TPX2: variants seen among roughly 807,000 people sequenced by gnomAD.
The protein encoded by TPX2 is targeting protein for Xklp2.
In TPX2, 21 loss-of-function variants were observed where a neutral mutation model predicts 93.6. The observed-to-expected ratio is 0.22, with a 90% CI of 0.16 to 0.32. The LOEUF (loss-of-function observed/expected upper bound fraction) is 0.32, where lower values mean the gene tolerates loss of function less well. TPX2 is among the 10% of genes least tolerant of loss of function. The pLI is 1.00. For missense variants in TPX2, 776 were observed against 871.1 expected (o/e 0.89, Z 1.37); for synonymous variants, 281 against 298.3 (o/e 0.94, Z 0.60).
At chr20:31,748,719 G>T (rs937842650) in intron 2 of TPX2, among the ~76,000 whole-genome samples, 6 of 152,150 alleles carry the variant, frequency 3.9e-5, no homozygotes, top group Non-Finnish European at 8.8e-5. Flanking sequence ...TATTAGTTTG[G>T]TGATCTTGGA....
At chr20:31,772,077 G>T (rs2061967657) in intron 7 of TPX2, among the ~76,000 whole-genome samples, 1 of 147,962 alleles carries the variant, frequency 6.8e-6, no homozygotes, top group Admixed American at 6.8e-5. Flanking sequence ...CTGGAGTGCA[G>T]TGGCATGATC....
At chr20:31,798,945 A>G (rs1177905296) in intron 17 of TPX2, among the ~76,000 whole-genome samples, 1 of 152,178 alleles carries the variant, frequency 6.6e-6, no homozygotes, top group Non-Finnish European at 1.5e-5. Flanking sequence ...CTTTCCTAGG[A>G]CTGTTTTTTA....
intron 7 of TPX2, among the ~76,000 whole-genome samples, chr20:31,772,540 A>G (rs2061970670): frequency 6.6e-6 from 1 of 152,224 alleles, no homozygotes; most frequent in Admixed American, 6.5e-5. Flanking sequence ...AAAGTTAGCA[A>G]CAGTTCTTAC....
rs867651744 is a variant in TPX2, at chr20:31,798,484, T to C, written c.2065T>C (p.Leu689=). ...AEVEAQKAQQ[L]EEARLQEEEQ... is the part of the protein sequence containing the mutation. ...GGTAGAAGCCCAGAAAGCCCAGCAG[T>C]TGGAGGAGGCCAGACTACAGGAGGA... is the stretch of plus-strand genomic sequence containing the variant. Residue 689 remains leucine, a synonymous_variant, in exon 17 of 18, where the codon TTG becomes CTG. Coordinates refer to ENST00000300403, the MANE Select transcript of TPX2 (RefSeq NM_012112.5). The C allele has an allele frequency of 4.3e-6, 7 of 1,613,400 alleles. No homozygotes were observed. Among genetic ancestry groups the C allele is most frequent in the Non-Finnish European group, 5.9e-6 (7 of 1,179,948 alleles).
Position 31,775,856 on chromosome 20 carries a change from T to C in TPX2, c.609-11T>C. 1 of 1,546,188 alleles carries C rather than the reference T, an allele frequency of 6.5e-7. No homozygotes were observed. Among genetic ancestry groups the C allele is most frequent in the African/African-American group, 1.4e-5 (1 of 72,516 alleles). ...CTCTCCTCTCTTCTCATTTACTGAT[T>C]TTCTCTTTAGGCAGAAGTTTCTAAA... On this transcript the variant is annotated splice_polypyrimidine_tract_variant and intron_variant, in intron 7 of 17. Transcript: ENST00000300403.
rs896399167 is a variant in TPX2, at chr20:31,769,515, G to A, written c.357-828G>A. Among the ~76,000 whole-genome samples, 3 of 151,942 alleles carry A rather than the reference G, an allele frequency of 2.0e-5. No individual in the cohort carries two copies. In the South Asian group the frequency reaches 6.2e-4, roughly 32 times the overall value. ...TTTTTTCTGTATTTTTAGTAGAGAC[G>A]GGGTTTCACCATGTTATCCAGGATG... On this transcript the variant is annotated intron_variant, in intron 5 of 17. Transcript: ENST00000300403.
Position 31,798,442 on chromosome 20 carries a change from G to C in TPX2, c.2023G>C (p.Glu675Gln). 1 of 1,614,072 alleles carries C rather than the reference G, an allele frequency of 6.2e-7. No individual in the cohort carries two copies. Among genetic ancestry groups the C allele is most frequent in the Non-Finnish European group, 8.5e-7 (1 of 1,180,046 alleles). The change falls in exon 17 of 18, where the codon GAG becomes CAG. Residue 675 changes from glutamate to glutamine, a missense_variant. Transcript: ENST00000300403. ...GAGAGCCAAAGAGCGGCAGGAGCTG[G>C]AGAAGAGAATGGCTGAGGTAGAAGC... ...EKRAKERQEL[E>Q]KRMAEVEAQK...
chr20:31,800,600 G>A (rs969665712), intron 17 of TPX2, among the ~76,000 whole-genome samples: 20 of 152,142 alleles, frequency 1.3e-4, no homozygotes, highest in African/African-American at 4.8e-4. Flanking sequence ...ACTTAAGACT[G>A]TACTCTGGGA....
chr20:31,743,591 G>C (rs1030963602), intron 2 of TPX2, among the ~76,000 whole-genome samples: 40 of 152,082 alleles, frequency 2.6e-4, no homozygotes, highest in Non-Finnish European at 4.9e-4. Context: ...AGCTACTTGG[G>C]GGGCCAAGGT....
intron 4 of TPX2, among the ~76,000 whole-genome samples, chr20:31,766,115 T>C (rs922267999): frequency 1.3e-5 from 2 of 152,242 alleles, no homozygotes; most frequent in Admixed American, 6.6e-5. Flanking sequence ...TAATACAGCA[T>C]TATAGATTGC....
chr20:31,789,271 T>C (rs1449281892), intron 12 of TPX2, among the ~76,000 whole-genome samples: 1 of 152,212 alleles, frequency 6.6e-6, no homozygotes, highest in Non-Finnish European at 1.5e-5. Context: ...TGTGTATCTA[T>C]ATTATTCACT....
chr20:31,767,616 A>T (rs573804781), intron 5 of TPX2, among the ~76,000 whole-genome samples: 1 of 152,166 alleles, frequency 6.6e-6, no homozygotes, highest in South Asian at 2.1e-4. Context: ...CAGTGGCATG[A>T]TCATGGCTCA....
At chr20:31,777,686 G>A (rs1191294018) in intron 9 of TPX2, 48 bp downstream of exon 9, 7 of 1,583,040 alleles carry the variant, frequency 4.4e-6, no homozygotes, top group Non-Finnish European at 6.0e-6. Context: ...TATTCATTTA[G>A]GATTTTACGT....
In TPX2 at chr20:31,783,940, G is replaced by A; in HGVS notation, c.1413+19G>A. The A allele has an allele frequency of 1.2e-6, 2 of 1,612,960 alleles. No individual in the cohort carries two copies. Among genetic ancestry groups the A allele is most frequent in the Non-Finnish European group, 1.7e-6 (2 of 1,179,504 alleles). ...TGTTGTGGTAAGGTTGAGGCTATGT[G>A]TGCTGGCAGAAGTGTACTGCTCATG... On this transcript the variant is annotated intron_variant, in intron 12 of 17. Coordinates refer to ENST00000300403, the MANE Select transcript of TPX2 (RefSeq NM_012112.5).
At chr20:31,765,071 C>T (rs976864029) in intron 4 of TPX2, among the ~76,000 whole-genome samples, 1 of 151,894 alleles carries the variant, frequency 6.6e-6, no homozygotes, top group Non-Finnish European at 1.5e-5. Flanking sequence ...CCTCTTGCCT[C>T]AGCCTCCTGA....
chr20:31,801,174 A>T lies in TPX2; in HGVS notation c.*94A>T. ...TTGCTTTGTCATTGGGCATGGAGAG[A>T]ACCCATTTCTCCAGACTTTTACCTA... is the stretch of plus-strand genomic sequence containing the variant. On this transcript the variant is annotated 3_prime_UTR_variant, in exon 18 of 18. Coordinates refer to ENST00000300403, the MANE Select transcript of TPX2 (RefSeq NM_012112.5). 1 of 1,120,734 alleles carries T rather than the reference A, an allele frequency of 8.9e-7. No homozygotes were observed. Among genetic ancestry groups the T allele is most frequent in the East Asian group, 2.4e-5 (1 of 41,762 alleles). The allele number at this position is 1,120,734 out of a possible 1,614,324, so 69.4% of individuals were successfully genotyped here. A position where few individuals can be genotyped will look rare whatever the true frequency, so the allele number is the denominator to read the frequency against.
chr20:31,752,975 T>A (rs2061828882), intron 2 of TPX2, among the ~76,000 whole-genome samples: 1 of 152,070 alleles, frequency 6.6e-6, no homozygotes, highest in Admixed American at 6.6e-5. Flanking sequence ...CTGAGAAACA[T>A]TCAAGGGCAC....
At chr20:31,752,370 C>G (rs1279805836) in intron 2 of TPX2, among the ~76,000 whole-genome samples, 1 of 152,174 alleles carries the variant, frequency 6.6e-6, no homozygotes, top group African/African-American at 2.4e-5. Flanking sequence ...TGTCCCATGG[C>G]TACCCCAAGC....
chr20:31,770,227 A>G, intron 5 of TPX2, 116 bp from the exon 6 acceptor site: 1 of 623,760 alleles, frequency 1.6e-6, no homozygotes, highest in Non-Finnish European at 2.4e-6. Flanking sequence ...AGCAGAGATA[A>G]TAGCACTCCA....
Sources: gnomAD v4.1 joint callset for allele counts (sites outside exome capture counted in the v4.1 genomes callset) on GRCh38, gnomAD v4.1.1 for gene constraint, MANE v1.5 for transcripts, NCBI Gene and HGNC (gene_info 2026-07-23, HGNC 2026-07-21) for gene names.